The following ARHGEF4 variants were observed in gnomAD, a reference collection of about 807,000 sequenced individuals.
The protein encoded by ARHGEF4 is APC-stimulated guanine nucleotide exchange factor 1.
ARHGEF4 carries 119 observed loss-of-function variants against 162.0 expected under a neutral mutation model. The ratio of observed to expected loss-of-function variants is 0.73; its 90% confidence interval spans 0.63 to 0.86. The LOEUF (loss-of-function observed/expected upper bound fraction) is 0.86. ARHGEF4 is among the 40% of genes least tolerant of loss of function. The pLI is 0.00. For synonymous variants in ARHGEF4, 1,014 were observed against 979.9 expected (o/e 1.03, Z -0.65); for missense variants, 2,488 against 2,456.0 (o/e 1.01, Z -0.28).
chr2:130,836,979 G>C lies in ARHGEF4; in HGVS notation c.26G>C (p.Arg9Pro). MLSVVHFL[R>P]SFFKTPEPGA... is the part of the protein sequence containing the mutation. The stretch of plus-strand genomic sequence containing the variant: ...ATGCTCAGCGTCGTGCACTTCCTCC[G>C]GAGCTTCTTCAAGGTGAGAGCCGGC... The change falls in exon 1 of 14, where the codon CGG (arginine) becomes CCG (proline). Residue 9 changes from arginine (R) to proline (P), a missense_variant. Arg to Pro is a moderately radical substitution (Grantham distance 103). Coordinates refer to ENST00000409359, the MANE Select transcript of ARHGEF4 (RefSeq NM_001367493.1). 2 of 1,227,028 alleles carry C rather than the reference G, an allele frequency of 1.6e-6. No homozygotes were observed. Among genetic ancestry groups the C allele is most frequent in the Non-Finnish European group, 2.0e-6 (2 of 984,876 alleles). The allele number at this position is 1,227,028 out of a possible 1,614,324, so 76.0% of individuals were successfully genotyped here. A position where few individuals can be genotyped will look rare whatever the true frequency, so the allele number is the denominator to read the frequency against.
chr2:131,025,599 T>C lies in ARHGEF4; in HGVS notation c.3986-2346T>C, dbSNP rs564540421. On this transcript the variant is annotated intron_variant, in intron 4 of 13. Coordinates refer to ENST00000409359, the MANE Select transcript of ARHGEF4 (RefSeq NM_001367493.1). ...TCTTCATCTGTTTCATCACCATTTA[T>C]GTGTTTCTTCCATCCATCTGTTTAC... Among the ~76,000 whole-genome samples, 20 of 152,312 alleles carry C rather than the reference T, an allele frequency of 1.3e-4. 1 individual carries two copies. In the South Asian group the frequency reaches 3.9e-3, roughly 30 times the overall value.
intron 9 of ARHGEF4, 151 bp downstream of exon 9, chr2:131,041,613 G>A (rs1042881860): frequency 1.8e-6 from 2 of 1,089,502 alleles, no homozygotes; most frequent in South Asian, 1.6e-5. Context: ...TGCAATGGGG[G>A]AAGAGGATGC....
intron 4 of ARHGEF4, among the ~76,000 whole-genome samples, chr2:131,009,441 C>A (rs1476641607): frequency 1.3e-5 from 2 of 152,094 alleles, no homozygotes. Context: ...AACTGTTGGT[C>A]ATTATGTCTT....
chr2:130,975,661 C>G (rs1685654182), intron 4 of ARHGEF4, among the ~76,000 whole-genome samples: 1 of 152,220 alleles, frequency 6.6e-6, no homozygotes, highest in Non-Finnish European at 1.5e-5. Context: ...GCCCTGCACC[C>G]CACTTCTACA....
intron 4 of ARHGEF4, among the ~76,000 whole-genome samples, chr2:130,961,619 A>C (rs751395717): frequency 1.3e-5 from 2 of 152,170 alleles, no homozygotes; most frequent in Non-Finnish European, 2.9e-5. Context: ...GATGTGATTT[A>C]TGTGTATTTT....
chr2:130,894,513 A>G (rs985362365), intron 1 of ARHGEF4, among the ~76,000 whole-genome samples: 2 of 152,196 alleles, frequency 1.3e-5, no homozygotes, highest in African/African-American at 4.8e-5. Flanking sequence ...GGAGCAGTGC[A>G]GGCGAGGGTG....
intron 4 of ARHGEF4, among the ~76,000 whole-genome samples, chr2:130,977,114 T>C (rs942893734): frequency 2.0e-5 from 3 of 151,556 alleles, no homozygotes; most frequent in African/African-American, 7.3e-5. Flanking sequence ...GTGTGGTGTA[T>C]GTGATGTGTT....
At position 131,039,002 on chromosome 2, in the gene ARHGEF4, C is replaced by T. The variant is rs767803559; in HGVS notation, c.4275C>T (p.Gly1425=). The part of the protein sequence containing the change: ...REWWWGRVAD[G]EGWFPASFVR... The stretch of plus-strand genomic sequence containing the variant: ...GGTGGTGGGGCCGGGTCGCCGATGG[C>T]GAGGGCTGGTTTCCAGCCAGCTTCG... The change falls in exon 6 of 14, where the codon GGC becomes GGT. Residue 1425 remains glycine (G), a synonymous_variant. Coordinates refer to ENST00000409359, the MANE Select transcript of ARHGEF4 (RefSeq NM_001367493.1). The T allele has an allele frequency of 2.2e-5, 36 of 1,613,066 alleles. No individual in the cohort carries two copies. The highest frequency in any genetic ancestry group is 2.9e-5 in the Non-Finnish European group (34 of 1,179,756).
At chr2:131,039,597 C>T (rs886185944) in intron 6 of ARHGEF4, 2 of 1,046,070 alleles carry the variant, frequency 1.9e-6, no homozygotes, top group Admixed American at 1.0e-4. Flanking sequence ...TCCTCCTGCC[C>T]CAGATCCCCT....
chr2:130,987,471 T>TTGCAGC (rs1558810872), intron 4 of ARHGEF4, among the ~76,000 whole-genome samples: 1 of 151,856 alleles, frequency 6.6e-6, no homozygotes, highest in Non-Finnish European at 1.5e-5. Flanking sequence ...CCCAAGGGGG[T>TTGCAGC]TGCAGCTTCT....
intron 3 of ARHGEF4, among the ~76,000 whole-genome samples, chr2:130,936,021 T>A (rs1002824540): frequency 6.6e-6 from 1 of 152,118 alleles, no homozygotes; most frequent in Non-Finnish European, 1.5e-5. Flanking sequence ...GCCAAGATCA[T>A]GCCATTGCAT....
rs552485124 is a variant in ARHGEF4 at position 130,865,703 on chromosome 2, G to A, written c.39+28711G>A. 2.9e-4 allele frequency among the ~76,000 whole-genome samples: 42 copies of A among 143,652 alleles called. No homozygotes were observed. In the East Asian group the frequency reaches 6.7e-3, roughly 23 times the overall value. The allele number at this position is 143,652 out of a possible 152,430, so 94.2% of individuals were successfully genotyped here. A position where few individuals can be genotyped will look rare whatever the true frequency, so the allele number is the denominator to read the frequency against. On this transcript the variant is annotated intron_variant, in intron 1 of 13. Transcript: ENST00000409359. ...TGATGGTGAATAAAGTCAAAGATAG[G>A]TTTTGTTTGTTTGTTTGTTTGTTTG...
chr2:130,893,143 T>A (rs1475880838), intron 1 of ARHGEF4, among the ~76,000 whole-genome samples: 1 of 152,208 alleles, frequency 6.6e-6, no homozygotes, highest in Non-Finnish European at 1.5e-5. Flanking sequence ...TCACGCTAGG[T>A]TTCTCTTGCG....
intron 1 of ARHGEF4, among the ~76,000 whole-genome samples, chr2:130,869,000 C>T (rs1335835908): frequency 6.6e-6 from 1 of 152,222 alleles, no homozygotes; most frequent in Admixed American, 6.5e-5. Flanking sequence ...TCTGGGTTAT[C>T]TCCCCATCTC....
At chr2:130,906,924 C>T (rs1226001920) in intron 1 of ARHGEF4, among the ~76,000 whole-genome samples, 1 of 152,216 alleles carries the variant, frequency 6.6e-6, no homozygotes, top group South Asian at 2.1e-4. Flanking sequence ...AAATGTACTC[C>T]TGGTGGTATG....
At chr2:131,044,588 G>C in intron 12 of ARHGEF4, 46 bp downstream of exon 12, 1 of 1,527,476 alleles carries the variant, frequency 6.5e-7, no homozygotes, top group Non-Finnish European at 8.8e-7. Context: ...GGCCCACCCG[G>C]CGCTCCCGCC....
At chr2:130,985,736 T>C (rs559949539) in intron 4 of ARHGEF4, among the ~76,000 whole-genome samples, 1 of 152,120 alleles carries the variant, frequency 6.6e-6, no homozygotes, top group African/African-American at 2.4e-5. Context: ...GTTTCAAGTG[T>C]CTTGTGTGTG....
At chr2:130,956,189 C>T (rs1419643083) in intron 4 of ARHGEF4, among the ~76,000 whole-genome samples, 1 of 152,186 alleles carries the variant, frequency 6.6e-6, no homozygotes, top group Non-Finnish European at 1.5e-5. Flanking sequence ...CAAAAGAAGA[C>T]ATTTATGCAG....
chr2:130,960,452 A>G (rs1385785541), intron 4 of ARHGEF4, among the ~76,000 whole-genome samples: 2 of 152,188 alleles, frequency 1.3e-5, no homozygotes, highest in African/African-American at 2.4e-5. Context: ...AGGCTCTACC[A>G]TATAGCCTAG....
Sources: allele counts gnomAD v4.1 joint callset (sites outside exome capture counted in the v4.1 genomes callset), GRCh38; gene constraint gnomAD v4.1.1; transcripts MANE v1.5; gene names NCBI Gene and HGNC (gene_info 2026-07-23, HGNC 2026-07-21).